The following BCL3 variants were observed in gnomAD, a reference collection of about 807,000 sequenced individuals.
The protein encoded by BCL3 is B-cell lymphoma 3 protein.
A neutral mutation model predicts 35.7 loss-of-function variants in BCL3; 15 were observed. The observed-to-expected ratio is 0.42, with a 90% CI of 0.28 to 0.65. The LOEUF is 0.65. Ranked by LOEUF, BCL3 falls within the 30% of genes least tolerant of loss-of-function variation. The probability of loss-of-function intolerance (pLI) is 0.22; values close to 1 mark genes in which losing one functional copy is unlikely to be tolerated. For synonymous variants in BCL3, 311 were observed against 284.3 expected (o/e 1.09, Z -0.95); for missense variants, 565 against 641.7 (o/e 0.88, Z 1.29).
intron 2 of BCL3, among the ~76,000 whole-genome samples, chr19:44,753,481 C>T (rs1044329295): frequency 1.3e-5 from 2 of 152,224 alleles, no homozygotes; most frequent in Non-Finnish European, 2.9e-5. Context: ...TGACCGCAAC[C>T]CAGCTGCTCT....
intron 8 of BCL3, among the ~76,000 whole-genome samples, 199 bp from the exon 9 acceptor site, chr19:44,759,229 T>A (rs762599): frequency 1.4e-5 from 1 of 70,110 alleles, no homozygotes; most frequent in African/African-American, 5.9e-5. Context: ...CCGGCCCCTC[T>A]TCCTTCAGAC....
chr19:44,752,351 C>A (rs1166730044), intron 2 of BCL3, among the ~76,000 whole-genome samples: 1 of 151,782 alleles, frequency 6.6e-6, no homozygotes, highest in Non-Finnish European at 1.5e-5. Flanking sequence ...CAGACGCTAC[C>A]CCCACACCTG....
chr19:44,756,300 A>C lies in BCL3; in HGVS notation c.479A>C (p.Gln160Pro), dbSNP rs764276676. The C allele has an allele frequency of 6.5e-7, 1 of 1,547,722 alleles. No homozygotes were observed. The highest frequency in any genetic ancestry group is 8.7e-7 in the Non-Finnish European group (1 of 1,142,936). The change falls in exon 3 of 9, where the codon CAG (glutamine) becomes CCG (proline). Residue 160 changes from glutamine to proline, a missense_variant. Gln to Pro is a moderately conservative substitution (Grantham distance 76). Transcript: ENST00000164227. ...CACCGGCTGGTCAACCTCTTCCAGC[A>C]GGGGGGCCGGGAGCTCGACATCTAC... ...AVHRLVNLFQQGGRELDIYNN... is the reference protein window; with the variant it reads ...AVHRLVNLFQPGGRELDIYNN...
intron 1 of BCL3, among the ~76,000 whole-genome samples, chr19:44,749,395 A>G (rs537034092): frequency 6.6e-6 from 1 of 151,944 alleles, no homozygotes; most frequent in Non-Finnish European, 1.5e-5. Context: ...CTCTTAAGCC[A>G]GATGTGTAGC....
chr19:44,752,160 G>A (rs1425909653), intron 2 of BCL3, among the ~76,000 whole-genome samples: 1 of 151,086 alleles, frequency 6.6e-6, no homozygotes, highest in Non-Finnish European at 1.5e-5. Context: ...CCCTTACTAT[G>A]TGGGTTCTAC....
At chr19:44,753,377 C>T (rs754400336) in intron 2 of BCL3, among the ~76,000 whole-genome samples, 23 of 152,202 alleles carry the variant, frequency 1.5e-4, no homozygotes, top group Non-Finnish European at 2.9e-4. Flanking sequence ...TCTCCAGCCC[C>T]AGGCCCTCCC....
In BCL3 at chr19:44,757,462, C is replaced by T. The variant is rs1385509336; in HGVS notation, c.813+47C>T. ...GGAGGGAGCGGGGCCTTAGCAGGGG[C>T]GGGGTCTTGGCGGGGGCGGGGCCAG... On this transcript the variant is annotated intron_variant, in intron 5 of 8. Transcript: ENST00000164227. This position sits in a 1 kb window ranked among gnomAD's most constrained non-coding sequence, Gnocchi z 8.4. The T allele has an allele frequency of 4.0e-6, 1 of 249,388 alleles. No homozygotes were observed. Among genetic ancestry groups the T allele is most frequent in the South Asian group, 4.4e-5 (1 of 22,508 alleles). The allele number at this position is 249,388 out of a possible 1,614,324, so 15.4% of individuals were successfully genotyped here. A position where few individuals can be genotyped will look rare whatever the true frequency, so the allele number is the denominator to read the frequency against.
At chr19:44,751,457 C>T (rs981720830) in intron 2 of BCL3, 77 bp downstream of exon 2, 1 of 1,405,030 alleles carries the variant, frequency 7.1e-7, no homozygotes, top group Non-Finnish European at 9.5e-7. Context: ...ACTCAGCTCC[C>T]AGTGGACCTG....
Position 44,748,780 on chromosome 19 carries a change from C to A in BCL3, c.-11C>A. 9.0e-7 allele frequency: 1 copy of A among 1,105,502 alleles called. No homozygotes were observed. Among genetic ancestry groups the A allele is most frequent in the Non-Finnish European group, 1.1e-6 (1 of 907,382 alleles). 68.5% of individuals were successfully genotyped at this position (1,105,502 alleles called of 1,614,324 possible). ...CCCAGCCGCTCTCCGGCCGCCGTCC[C>A]CGGCGGCCCCATGCCCCGATGCCCC... On this transcript the variant is annotated 5_prime_UTR_variant, in exon 1 of 9. Transcript: ENST00000164227.
chr19:44,751,850 G>T (rs1395346153), intron 2 of BCL3, among the ~76,000 whole-genome samples: 1 of 143,026 alleles, frequency 7.0e-6, no homozygotes, highest in Non-Finnish European at 1.5e-5. Flanking sequence ...TGATCCACTC[G>T]CCTTGGCCTC....
In BCL3 at chr19:44,750,542, G is replaced by A. The variant is rs549254652; in HGVS notation, c.257-685G>A. On this transcript the variant is annotated intron_variant, in intron 1 of 8. Coordinates refer to ENST00000164227, the MANE Select transcript of BCL3 (RefSeq NM_005178.5). ...TTGAACTCCTGACCTCAGGTGATCC[G>A]CCCGCCTCGGCCTCCCAAAGTATTG... 3.9e-5 allele frequency among the ~76,000 whole-genome samples: 6 copies of A among 152,094 alleles called. No individual in the cohort carries two copies. In the South Asian group the frequency reaches 1.0e-3, roughly 26 times the overall value.
At chr19:44,748,645 G>A (rs1163390459), upstream of BCL3, 1 of 983,562 alleles carries the variant, frequency 1.0e-6, no homozygotes, top group Middle Eastern at 4.8e-4. Flanking sequence ...GGGGCCGGGG[G>A]CGGGGAGGCG....
chr19:44,757,133 G>C lies in BCL3; in HGVS notation c.636G>C (p.Ala212=), dbSNP rs773105917. 9.4e-6 allele frequency: 15 copies of C among 1,597,952 alleles called. No individual in the cohort carries two copies. Among genetic ancestry groups the C allele is most frequent in the Non-Finnish European group, 1.2e-5 (14 of 1,173,000 alleles). ...DRHGQTAAHL[A]CEHRSPTCLR... ...ATGGCCAGACGGCCGCTCACCTGGC[G>C]TGCGAGCACCGCAGCCCGACCTGCC... The change falls in exon 4 of 9, where the codon GCG becomes GCC. Residue 212 remains alanine (A), a synonymous_variant. Transcript: ENST00000164227. The surrounding 1 kb of genome is among the most constrained non-coding windows in gnomAD (Gnocchi z 8.4).
At position 44,758,279 on chromosome 19, in the gene BCL3, G is replaced by T; in HGVS notation, c.925G>T (p.Gly309Cys). 1 of 1,522,388 alleles carries T rather than the reference G, an allele frequency of 6.6e-7. No homozygotes were observed. The allele number at this position is 1,522,388 out of a possible 1,614,324, so 94.3% of individuals were successfully genotyped here. A position where few individuals can be genotyped will look rare whatever the true frequency, so the allele number is the denominator to read the frequency against. ...CAACGTGAACGCGCAAATGTACTCC[G>T]GCAGCTCCGCCCTGCACTCAGCGTC... ...GANVNAQMYS[G>C]SSALHSASGR... The change falls in exon 7 of 9, where the codon GGC becomes TGC. Residue 309 changes from glycine (G) to cysteine (C), a missense_variant. Gly to Cys is a radical substitution (Grantham distance 159). Around this residue, in one of 5 missense-constraint regions of BCL3, gnomAD observed 39 missense variants for 88.1 expected, o/e 0.44. Transcript: ENST00000164227.
chr19:44,758,380 C>T lies in BCL3; in HGVS notation c.1026C>T (p.Asn342=). 2 of 1,547,668 alleles carry T rather than the reference C, an allele frequency of 1.3e-6. No homozygotes were observed. The highest frequency in any genetic ancestry group is 2.4e-5 in the South Asian group (2 of 84,422). Residue 342 remains asparagine, a synonymous_variant, in exon 7 of 9, where the codon AAC becomes AAT. Transcript: ENST00000164227. ...GADSSLKNCH[N]DTPLMVARSR... ...ACAGCAGCCTCAAGAACTGCCACAACGACACGCCGCTCATGGTGGCGCGCA... is the reference window on the plus strand; with the variant it reads ...ACAGCAGCCTCAAGAACTGCCACAATGACACGCCGCTCATGGTGGCGCGCA...
chr19:44,748,628 C>T, upstream of BCL3: 1 of 896,558 alleles, frequency 1.1e-6, no homozygotes, highest in Non-Finnish European at 1.4e-6. Context: ...GTACGGGTGG[C>T]CCCGGGGGGG....
Position 44,759,493 on chromosome 19 carries a change from C to G in BCL3, c.1243C>G (p.Pro415Ala). The part of the protein sequence containing the change: ...QSPPRDPPGF[P>A]MAPPNFFLPS... The stretch of plus-strand genomic sequence containing the variant: ...TCCCCCCAGGGACCCCCCTGGATTC[C>G]CCATGGCTCCTCCCAATTTCTTCCT... The change falls in exon 9 of 9, where the codon CCC (proline) becomes GCC (alanine). Residue 415 changes from proline (P) to alanine (A), a missense_variant. Around this residue, in one of 5 missense-constraint regions of BCL3, gnomAD observed 151 missense variants for 138.1 expected, o/e 1.09. Coordinates refer to ENST00000164227, the MANE Select transcript of BCL3 (RefSeq NM_005178.5). 1.9e-6 allele frequency: 3 copies of G among 1,613,012 alleles called. No individual in the cohort carries two copies. The highest frequency in any genetic ancestry group is 2.5e-6 in the Non-Finnish European group (3 of 1,179,394).
At position 44,757,267 on chromosome 19, in the gene BCL3, G is replaced by A. The variant is rs1967310502; in HGVS notation, c.724+46G>A. 1.3e-6 allele frequency: 2 copies of A among 1,558,634 alleles called. No homozygotes were observed. Among genetic ancestry groups the A allele is most frequent in the African/African-American group, 2.7e-5 (2 of 73,248 alleles). Reference sequence around the variant, plus strand: ...ACCGCTGGGCTGTCCAGCGGACCTGGAGTCCATCAGCGGCCGCAAAGCCCG... The same window carrying A: ...ACCGCTGGGCTGTCCAGCGGACCTGAAGTCCATCAGCGGCCGCAAAGCCCG... On this transcript the variant is annotated intron_variant, in intron 4 of 8. Coordinates refer to ENST00000164227, the MANE Select transcript of BCL3 (RefSeq NM_005178.5). This position sits in a 1 kb window ranked among gnomAD's most constrained non-coding sequence, Gnocchi z 8.4.
intron 3 of BCL3, 86 bp from the exon 4 acceptor site, chr19:44,756,931 T>G: frequency 7.2e-6 from 9 of 1,250,480 alleles, no homozygotes; most frequent in Non-Finnish European, 1.0e-5. Flanking sequence ...GACTGCAGGA[T>G]GAGGAATAAG....
Sources: allele counts gnomAD v4.1 joint callset (sites outside exome capture counted in the v4.1 genomes callset), GRCh38; gene constraint gnomAD v4.1.1; regional missense constraint gnomAD v4.1.1; non-coding constraint Gnocchi (gnomAD v3.1); transcripts MANE v1.5; gene names NCBI Gene and HGNC (gene_info 2026-07-23, HGNC 2026-07-21).